Variants in ZSCAN26 observed in about 807,000 individuals in gnomAD.
ZSCAN26 encodes zinc finger and SCAN domain containing 26, also known as zinc finger and SCAN domain-containing protein 26.
A neutral mutation model predicts 23.0 loss-of-function variants in ZSCAN26; 26 were observed. That is an observed-to-expected ratio of 1.13 (90% confidence interval 0.83 to 1.57). The LOEUF is 1.57. Among genes scored for constraint, ZSCAN26 ranks in the 40% most tolerant of loss-of-function variants. ZSCAN26 has a pLI of 0.00. For synonymous variants in ZSCAN26, 180 were observed against 202.5 expected (o/e 0.89, Z 0.94); for missense variants, 528 against 568.5 (o/e 0.93, Z 0.72).
intron 2 of ZSCAN26, 57 bp from the exon 3 acceptor site, chr6:28,272,613 C>A: frequency 7.2e-7 from 1 of 1,391,554 alleles, no homozygotes; most frequent in Non-Finnish European, 9.9e-7. Context: ...TACTGAACAG[C>A]AGTTTCCTAA....
At position 28,276,409 on chromosome 6, in the gene ZSCAN26, G is replaced by A. The variant is rs1391944767; in HGVS notation, c.753G>A (p.Ala251=). 11 of 1,613,962 alleles carry A rather than the reference G, an allele frequency of 6.8e-6. No homozygotes were observed. Among genetic ancestry groups the A allele is most frequent in the Non-Finnish European group, 9.3e-6 (11 of 1,179,874 alleles). The stretch of plus-strand genomic sequence containing the variant: ...AGCACTTGGACCTGATTGAACATGC[G>A]AGTACACACACGGGAAAGAAACTCT... ...FIQHLDLIEH[A]STHTGKKLCE... Residue 251 remains alanine, a synonymous_variant, in exon 4 of 4, where the codon GCG becomes GCA. Coordinates refer to ENST00000421553, the MANE Select transcript of ZSCAN26 (RefSeq NM_001023560.4).
In ZSCAN26 at chr6:28,277,929, C is replaced by T. The variant is rs1473338352; in HGVS notation, c.*833C>T. ...TAAATGTCTGATGAAAGAAATTGGA[C>T]TTTTTCCCTTTAATACTGATGATGC... On this transcript the variant is annotated 3_prime_UTR_variant, in exon 4 of 4. Transcript: ENST00000421553. 6.6e-6 allele frequency: 1 copy of T among 152,172 alleles called. No individual in the cohort carries two copies. The highest frequency in any genetic ancestry group is 1.9e-4 in the East Asian group (1 of 5,194). 9.4% of individuals were successfully genotyped at this position (152,172 alleles called of 1,614,324 possible).
chr6:28,271,275 C>G (rs1581609051), intron 1 of ZSCAN26, among the ~76,000 whole-genome samples: 1 of 152,242 alleles, frequency 6.6e-6, no homozygotes, highest in East Asian at 1.9e-4. Flanking sequence ...AACTACTACA[C>G]TGAACATCCA....
chr6:28,272,937 CTT>C (rs1761764099), intron 3 of ZSCAN26, 150 bp downstream of exon 3: 2 of 638,042 alleles, frequency 3.1e-6, no homozygotes, highest in South Asian at 2.0e-5. Flanking sequence ...AAAATTCACT[CTT>C]TTTAGATGTA....
chr6:28,272,799 A>G lies in ZSCAN26; in HGVS notation c.538+12A>G. 1.1e-5 allele frequency: 18 copies of G among 1,603,536 alleles called. No homozygotes were observed. The highest frequency in any genetic ancestry group is 1.5e-5 in the Non-Finnish European group (18 of 1,171,700). ...TGAGAAAGAGAAGGGTAAGAATTGGATTGCATCTTCTGTGTGTGAGACGTG... is the reference window on the plus strand; with the variant it reads ...TGAGAAAGAGAAGGGTAAGAATTGGGTTGCATCTTCTGTGTGTGAGACGTG... On this transcript the variant is annotated intron_variant, in intron 3 of 3. Coordinates refer to ENST00000421553, the MANE Select transcript of ZSCAN26 (RefSeq NM_001023560.4).
intron 1 of ZSCAN26, among the ~76,000 whole-genome samples, chr6:28,269,341 A>G (rs1027996182): frequency 6.6e-6 from 1 of 152,182 alleles, no homozygotes; most frequent in African/African-American, 2.4e-5. Flanking sequence ...CGAATTATGT[A>G]TATATATACA....
rs1761475690 is a variant in ZSCAN26 at position 28,267,226 on chromosome 6, T to G, written c.-67+13T>G. ...GCCCCTTGACCAGGTGAGCGGACCC[T>G]GGAGCTGGGCCCCGGGCTGGGGCGG... On this transcript the variant is annotated intron_variant, in intron 1 of 3. Coordinates refer to ENST00000421553, the MANE Select transcript of ZSCAN26 (RefSeq NM_001023560.4). 1 of 152,316 alleles carries G rather than the reference T, an allele frequency of 6.6e-6. No homozygotes were observed. The highest frequency in any genetic ancestry group is 1.5e-5 in the Non-Finnish European group (1 of 68,172). The allele number at this position is 152,316 out of a possible 1,614,324, so 9.4% of individuals were successfully genotyped here. A position where few individuals can be genotyped will look rare whatever the true frequency, so the allele number is the denominator to read the frequency against.
At chr6:28,270,661 A>C (rs569805698) in intron 1 of ZSCAN26, among the ~76,000 whole-genome samples, 1 of 152,236 alleles carries the variant, frequency 6.6e-6, no homozygotes, top group Admixed American at 6.5e-5. Flanking sequence ...TATACTCTAC[A>C]TTAGCCCTTT....
In ZSCAN26 at chr6:28,277,061, C is replaced by T. The variant is rs1468705980; in HGVS notation, c.1405C>T (p.His469Tyr). Reference protein sequence around the residue: ...AFRQRSGLFQHQRYHHKDKLA With the variant: ...AFRQRSGLFQYQRYHHKDKLA ...CAGGCAAAGGTCAGGTCTTTTTCAA[C>T]ATCAGAGATATCACCACAAAGACAA... The change falls in exon 4 of 4, where the codon CAT becomes TAT. Residue 469 changes from histidine to tyrosine, a missense_variant. By Grantham distance (83) the His-to-Tyr change is moderately conservative. Transcript: ENST00000421553. 2 of 1,613,750 alleles carry T rather than the reference C, an allele frequency of 1.2e-6. No individual in the cohort carries two copies. The highest frequency in any genetic ancestry group is 1.7e-6 in the Non-Finnish European group (2 of 1,179,836).
In ZSCAN26 at chr6:28,272,754, G is replaced by A. The variant is rs1367743417; in HGVS notation, c.505G>A (p.Glu169Lys). The change falls in exon 3 of 4, where the codon GAG (glutamate) becomes AAG (lysine). Residue 169 changes from glutamate to lysine, a missense_variant. Transcript: ENST00000421553. ...AGTACAGGAACAGCAGGTTCGGCATGAGTGTGAAGTTACAAAGCCTGAGAA... is the reference window on the plus strand; with the variant it reads ...AGTACAGGAACAGCAGGTTCGGCATAAGTGTGAAGTTACAAAGCCTGAGAA... ...KGVQEQQVRHECEVTKPEKEK... is the reference protein window; with the variant it reads ...KGVQEQQVRHKCEVTKPEKEK... The A allele has an allele frequency of 6.2e-7, 1 of 1,613,522 alleles. No individual in the cohort carries two copies.
rs760128133 is a variant in ZSCAN26, at chr6:28,276,475, TAAG to T, written c.822_824del (p.Lys275del). The T allele has an allele frequency of 6.2e-7, 1 of 1,613,946 alleles. No individual in the cohort carries two copies. The highest frequency in any genetic ancestry group is 1.7e-5 in the Admixed American group (1 of 60,022). On this transcript the variant is annotated inframe_deletion, in exon 4 of 4. Coordinates refer to ENST00000421553, the MANE Select transcript of ZSCAN26 (RefSeq NM_001023560.4). ...GTCAGAGTTCCAGTCTTACAGGACA[TAAG>T]AAAGTCCTCTCTAGAGAGAAAGGTC...
intron 1 of ZSCAN26, among the ~76,000 whole-genome samples, chr6:28,268,749 T>C (rs2113710443): frequency 6.6e-6 from 1 of 152,290 alleles, no homozygotes. Context: ...AAACAGTTTA[T>C]CAAATTATTT....
At position 28,276,891 on chromosome 6, in the gene ZSCAN26, G is replaced by C; in HGVS notation, c.1235G>C (p.Arg412Pro). The C allele has an allele frequency of 6.2e-7, 1 of 1,613,842 alleles. No homozygotes were observed. The highest frequency in any genetic ancestry group is 8.5e-7 in the Non-Finnish European group (1 of 1,179,856). ...TTCAGTTTGACCTCAGACCTTATTC[G>C]ACACCACAGAATTCATACTGGAGAA... ...KAFSLTSDLIRHHRIHTGEKP... is the reference protein window; with the variant it reads ...KAFSLTSDLIPHHRIHTGEKP... Residue 412 changes from arginine to proline, a missense_variant, in exon 4 of 4, where the codon CGA becomes CCA. Physicochemically the swap from Arg to Pro is moderately radical, Grantham distance 103. Coordinates refer to ENST00000421553, the MANE Select transcript of ZSCAN26 (RefSeq NM_001023560.4).
Position 28,276,592 on chromosome 6 carries a change from GTGCAAT to G in ZSCAN26, c.937_942del (p.Cys313_Asn314del). 1.2e-6 allele frequency: 2 copies of G among 1,612,920 alleles called. No individual in the cohort carries two copies. Among genetic ancestry groups the G allele is most frequent in the Non-Finnish European group, 1.7e-6 (2 of 1,179,416 alleles). On this transcript the variant is annotated inframe_deletion, in exon 4 of 4. Coordinates refer to ENST00000421553, the MANE Select transcript of ZSCAN26 (RefSeq NM_001023560.4). ...TCCATCTTGGTGAGAAGCCTTATCA[GTGCAAT>G]GAGTGTGGCAAAGTCTTTAGCCAGA...
At position 28,277,201 on chromosome 6, in the gene ZSCAN26, G is replaced by T; in HGVS notation, c.*105G>T. On this transcript the variant is annotated 3_prime_UTR_variant, in exon 4 of 4. Transcript: ENST00000421553. ...CACTGTGGCATCAGAAAATTCTTGG[G>T]GGCTGAGTTGGAGGCTCCCTGCCTC... 4 of 1,228,186 alleles carry T rather than the reference G, an allele frequency of 3.3e-6. No homozygotes were observed. The East Asian group carries it at 7.0e-5, about 22-fold the overall frequency. The allele number at this position is 1,228,186 out of a possible 1,614,324, so 76.1% of individuals were successfully genotyped here.
Position 28,276,372 on chromosome 6 carries a change from A to T in ZSCAN26, c.716A>T (p.Gln239Leu). 6.2e-7 allele frequency: 1 copy of T among 1,614,050 alleles called. No homozygotes were observed. Among genetic ancestry groups the T allele is most frequent in the Non-Finnish European group, 8.5e-7 (1 of 1,179,882 alleles). Reference protein sequence around the residue: ...KIEYKCSEREQRFIQHLDLIE... With the variant: ...KIEYKCSERELRFIQHLDLIE... Reference sequence around the variant, plus strand: ...GAGTATAAATGCTCAGAACGTGAGCAGAGATTCATCCAGCACTTGGACCTG... The same window carrying T: ...GAGTATAAATGCTCAGAACGTGAGCTGAGATTCATCCAGCACTTGGACCTG... The change falls in exon 4 of 4, where the codon CAG becomes CTG. Residue 239 changes from glutamine (Q) to leucine (L), a missense_variant. Physicochemically the swap from Gln to Leu is moderately radical, Grantham distance 113 (BLOSUM62 -2). Coordinates refer to ENST00000421553, the MANE Select transcript of ZSCAN26 (RefSeq NM_001023560.4).
In ZSCAN26 at chr6:28,276,884, C is replaced by T. The variant is rs371968394; in HGVS notation, c.1228C>T (p.Leu410Phe). The T allele has an allele frequency of 6.2e-7, 1 of 1,613,978 alleles. No homozygotes were observed. The highest frequency in any genetic ancestry group is 1.3e-5 in the African/African-American group (1 of 75,042). The change falls in exon 4 of 4, where the codon CTT (leucine) becomes TTT (phenylalanine). Residue 410 changes from leucine to phenylalanine, a missense_variant. Coordinates refer to ENST00000421553, the MANE Select transcript of ZSCAN26 (RefSeq NM_001023560.4). ...AAAAGCTTTCAGTTTGACCTCAGACCTTATTCGACACCACAGAATTCATAC... is the reference window on the plus strand; with the variant it reads ...AAAAGCTTTCAGTTTGACCTCAGACTTTATTCGACACCACAGAATTCATAC... ...CGKAFSLTSD[L>F]IRHHRIHTGE...
chr6:28,276,149 A>G, intron 3 of ZSCAN26, 46 bp from the exon 4 acceptor site: 5 of 1,511,482 alleles, frequency 3.3e-6, no homozygotes, highest in Non-Finnish European at 4.4e-6. Flanking sequence ...TCCTTTCCCC[A>G]AGCATCAAAA....
At position 28,278,194 on chromosome 6, in the gene ZSCAN26, T is replaced by C. The variant is rs1173261800; in HGVS notation, c.*1098T>C. The C allele has an allele frequency of 1.3e-5, 2 of 152,210 alleles. No individual in the cohort carries two copies. Among genetic ancestry groups the C allele is most frequent in the Non-Finnish European group, 2.9e-5 (2 of 68,036 alleles). 9.4% of individuals were successfully genotyped at this position (152,210 alleles called of 1,614,324 possible). A position where few individuals can be genotyped will look rare whatever the true frequency, so the allele number is the denominator to read the frequency against. The stretch of plus-strand genomic sequence containing the variant: ...GAATACTGTTTCCTTCTAATAAAGG[T>C]TTCAAACAAATCCCTGCAGATTTAT... On this transcript the variant is annotated 3_prime_UTR_variant, in exon 4 of 4. Transcript: ENST00000421553.
Sources: gnomAD v4.1 joint callset for allele counts (sites outside exome capture counted in the v4.1 genomes callset) on GRCh38, gnomAD v4.1.1 for gene constraint, MANE v1.5 for transcripts, NCBI Gene and HGNC (gene_info 2026-07-23, HGNC 2026-07-21) for gene names.